PRELID2: variants seen among roughly 807,000 people sequenced by gnomAD.
The protein encoded by PRELID2 is PRELI domain-containing protein 2.
PRELID2 carries 25 observed loss-of-function variants against 28.4 expected under a neutral mutation model. That is an observed-to-expected ratio of 0.88 (90% confidence interval 0.64 to 1.23). PRELID2 has a LOEUF of 1.23. Among genes scored for constraint, PRELID2 ranks in the 50% most tolerant of loss-of-function variants. The pLI is 0.00. For synonymous variants in PRELID2, 76 were observed against 71.6 expected, an observed-to-expected ratio of 1.06 and a Z score of -0.31; for missense variants, 201 against 214.4, an observed-to-expected ratio of 0.94 and a Z score of 0.39.
the PRELID2 span, among the ~76,000 whole-genome samples, chr5:145,290,597 T>A: frequency 9.8e-6 from 1 of 101,854 alleles, no homozygotes; most frequent in Non-Finnish European, 1.9e-5. Flanking sequence ...CTGGGGCCTG[T>A]CATGCGGTTG....
intron 1 of PRELID2, among the ~76,000 whole-genome samples, chr5:145,736,854 A>T (rs1189539785): frequency 6.6e-6 from 1 of 152,200 alleles, no homozygotes; most frequent in Non-Finnish European, 1.5e-5. Context: ...CATTCCTAGT[A>T]ATCAAATAAG....
intron 1 of PRELID2, among the ~76,000 whole-genome samples, chr5:145,502,347 A>G (rs1752367064): frequency 1.3e-5 from 2 of 152,038 alleles, no homozygotes; most frequent in Admixed American, 1.3e-4. Flanking sequence ...TTCATGATAA[A>G]CCACCCTCAT....
the PRELID2 span, among the ~76,000 whole-genome samples, chr5:145,456,535 C>G: frequency 6.6e-6 from 1 of 152,140 alleles, no homozygotes; most frequent in East Asian, 1.9e-4. Flanking sequence ...GACACTTGTA[C>G]CCTCAACCTG....
intron 1 of PRELID2, among the ~76,000 whole-genome samples, chr5:145,740,331 G>C (rs1756633079): frequency 2.7e-5 from 3 of 109,176 alleles, no homozygotes; most frequent in Admixed American, 1.1e-4. Context: ...AATCCTAAAT[G>C]TGTATGCACC....
chr5:145,549,573 G>C (rs10056824), intron 1 of PRELID2, among the ~76,000 whole-genome samples: 4 of 151,946 alleles, frequency 2.6e-5, no homozygotes, highest in African/African-American at 9.7e-5. Context: ...GGCGGACGGA[G>C]CACGAGGTCA....
the PRELID2 span, among the ~76,000 whole-genome samples, chr5:145,261,676 A>T: frequency 1.3e-5 from 2 of 152,192 alleles, no homozygotes; most frequent in East Asian, 3.9e-4. Flanking sequence ...CCTGTGGGAC[A>T]AAAGAATCTG....
chr5:145,682,847 C>T (rs1754964278), intron 1 of PRELID2, among the ~76,000 whole-genome samples: 1 of 152,184 alleles, frequency 6.6e-6, no homozygotes, highest in Admixed American at 6.6e-5. Context: ...GGCTGGCTTT[C>T]ACTTGGCATA....
At chr5:145,497,280 T>C (rs974378657) in intron 1 of PRELID2, among the ~76,000 whole-genome samples, 1 of 152,190 alleles carries the variant, frequency 6.6e-6, no homozygotes, top group African/African-American at 2.4e-5. Context: ...GTCATGATCT[T>C]TTCAAAATAT....
At chr5:145,542,424 A>C (rs1272569373) in intron 1 of PRELID2, among the ~76,000 whole-genome samples, 1 of 152,168 alleles carries the variant, frequency 6.6e-6, no homozygotes, top group Non-Finnish European at 1.5e-5. Context: ...ATTATGGATC[A>C]CCTACTGTGT....
the PRELID2 span, among the ~76,000 whole-genome samples, chr5:145,267,877 G>A: frequency 2.8e-4 from 42 of 152,142 alleles, no homozygotes; most frequent in Non-Finnish European, 5.4e-4. Flanking sequence ...TATTATTGGA[G>A]TTTTGATTTA....
chr5:145,291,361 A>G, the PRELID2 span, among the ~76,000 whole-genome samples: 115 of 148,470 alleles, frequency 7.7e-4, no homozygotes, highest in Non-Finnish European at 1.6e-3. Flanking sequence ...AAAAAAAAAA[A>G]GGAGAGGGGT....
the PRELID2 span, among the ~76,000 whole-genome samples, chr5:145,333,725 C>T: frequency 1.3e-5 from 2 of 151,384 alleles, no homozygotes; most frequent in Non-Finnish European, 2.9e-5. Flanking sequence ...GTGGGATCCA[C>T]TGAGCTAGAC....
rs1185389196 is a variant in PRELID2, at chr5:145,820,013, A to T, written c.139T>A (p.Ser47Thr). 1.3e-6 allele frequency: 2 copies of T among 1,581,048 alleles called. No individual in the cohort carries two copies. Among genetic ancestry groups the T allele is most frequent in the Admixed American group, 3.7e-5 (2 of 54,738 alleles). ...CTCTTTCTGTAGATGACCCCTGTTG[A>T]TTCATCTAAAAAAGAAATTTTTTTA... is the stretch of plus-strand genomic sequence containing the variant. ...VKIMEEKRDE[S>T]TGVIYRKRIA... Residue 47 changes from serine (S) to threonine (T), a missense_variant, in exon 3 of 7, where the codon TCA becomes ACA. Transcript: ENST00000683046.
the PRELID2 span, among the ~76,000 whole-genome samples, chr5:145,437,628 T>C: frequency 1.3e-5 from 2 of 152,212 alleles, no homozygotes; most frequent in Non-Finnish European, 2.9e-5. Context: ...TATGAGAACC[T>C]TGGATTCAAC....
the PRELID2 span, among the ~76,000 whole-genome samples, chr5:145,311,565 G>A: frequency 1.3e-5 from 2 of 152,262 alleles, no homozygotes; most frequent in South Asian, 2.1e-4. Context: ...GGACAGCTGA[G>A]AAATTTAGAT....
At chr5:145,761,139 T>C (rs1215601789) in intron 6 of PRELID2, among the ~76,000 whole-genome samples, 1 of 152,238 alleles carries the variant, frequency 6.6e-6, no homozygotes, top group Non-Finnish European at 1.5e-5. Context: ...TGGTATGATA[T>C]AAAAATATTA....
At chr5:145,549,652 G>A (rs919022849) in intron 1 of PRELID2, among the ~76,000 whole-genome samples, 8 of 151,920 alleles carry the variant, frequency 5.3e-5, no homozygotes, top group Admixed American at 6.6e-5. Context: ...AAAATTAGCC[G>A]GGCATGGTGG....
intron 1 of PRELID2, among the ~76,000 whole-genome samples, chr5:145,552,451 G>A (rs866156907): frequency 1.3e-5 from 2 of 151,930 alleles, no homozygotes; most frequent in Admixed American, 6.6e-5. Context: ...TGGTCTAACT[G>A]ATCCAAACAG....
At chr5:145,646,431 G>A (rs1581024742) in intron 1 of PRELID2, among the ~76,000 whole-genome samples, 3 of 151,958 alleles carry the variant, frequency 2.0e-5, no homozygotes, top group Admixed American at 6.6e-5. Context: ...TTAGCAATTC[G>A]TCTAACCTTT....
Sources: gnomAD v4.1 joint callset for allele counts (sites outside exome capture counted in the v4.1 genomes callset) on GRCh38, gnomAD v4.1.1 for gene constraint, MANE v1.5 for transcripts, NCBI Gene and HGNC (gene_info 2026-07-23, HGNC 2026-07-21) for gene names.